CC2D2B: variants seen among roughly 807,000 people sequenced by gnomAD.
CC2D2B encodes the protein coiled-coil and C2 domain containing 2B.
A neutral mutation model predicts 161.2 loss-of-function variants in CC2D2B; 128 were observed. That is an observed-to-expected ratio of 0.79 (90% CI 0.69 to 0.92). The LOEUF is 0.92. Among genes scored for constraint, CC2D2B ranks in the 40% least tolerant of loss-of-function variants. The pLI, the probability that CC2D2B is intolerant of heterozygous loss-of-function variation, is 0.00. For synonymous variants in CC2D2B, 391 were observed against 449.8 expected, an observed-to-expected ratio of 0.87 and a Z score of 1.65; for missense variants, 1,173 against 1,375.1, an observed-to-expected ratio of 0.85 and a Z score of 2.32.
Position 96,032,103 on chromosome 10 carries a change from G to A in CC2D2B, c.*95G>A. On this transcript the variant is annotated 3_prime_UTR_variant, in exon 35 of 35. Coordinates refer to ENST00000646931, the MANE Select transcript of CC2D2B (RefSeq NM_001349008.3). ...TTGAGATTTTGCTGTTTATTCTCAA[G>A]TCCAGCTAAGTGCTGGGCCCAATTT... is the stretch of plus-strand genomic sequence containing the variant. The A allele has an allele frequency of 1.0e-6, 1 of 961,356 alleles. No individual in the cohort carries two copies. Among genetic ancestry groups the A allele is most frequent in the Non-Finnish European group, 1.5e-6 (1 of 652,292 alleles). The allele number at this position is 961,356 out of a possible 1,614,324, so 59.6% of individuals were successfully genotyped here. A position where few individuals can be genotyped will look rare whatever the true frequency, so the allele number is the denominator to read the frequency against.
intron 11 of CC2D2B, among the ~76,000 whole-genome samples, chr10:95,960,115 A>C (rs1469798573): frequency 6.6e-6 from 1 of 152,196 alleles, no homozygotes; most frequent in Non-Finnish European, 1.5e-5. Context: ...ACACTTAAGC[A>C]GTTTTCTTAA....
chr10:95,998,215 C>T (rs995906418), intron 24 of CC2D2B, among the ~76,000 whole-genome samples: 4 of 152,096 alleles, frequency 2.6e-5, no homozygotes, highest in African/African-American at 9.7e-5. Flanking sequence ...TCAGCATCAA[C>T]ATCTGCATTG....
At chr10:95,951,821 G>T (rs973196757) in intron 10 of CC2D2B, among the ~76,000 whole-genome samples, 1 of 151,470 alleles carries the variant, frequency 6.6e-6, no homozygotes, top group Admixed American at 6.6e-5. Context: ...AAACTTTTGG[G>T]GTTATTATTT....
At chr10:96,016,396 A>G in intron 30 of CC2D2B, 82 bp downstream of exon 30, 1 of 906,414 alleles carries the variant, frequency 1.1e-6, no homozygotes, top group Non-Finnish European at 1.8e-6. Context: ...CTTCAAACCC[A>G]GGTTTCCATC....
rs961231502 is a variant in CC2D2B at position 96,033,260 on chromosome 10, G to A, written c.*1252G>A. The stretch of plus-strand genomic sequence containing the variant: ...GTTTCCTAAATGTGCATGGGCTGGT[G>A]CCAGAAAAGGCCTCACTTATTTGTG... On this transcript the variant is annotated 3_prime_UTR_variant, in exon 35 of 35. Coordinates refer to ENST00000646931, the MANE Select transcript of CC2D2B (RefSeq NM_001349008.3). 3.3e-5 allele frequency among the ~76,000 whole-genome samples: 5 copies of A among 152,166 alleles called. No homozygotes were observed. The highest frequency in any genetic ancestry group is 6.5e-5 in the Admixed American group (1 of 15,268).
chr10:95,937,843 T>C, intron 6 of CC2D2B, 148 bp from the exon 7 acceptor site: 1 of 611,254 alleles, frequency 1.6e-6, no homozygotes, highest in Non-Finnish European at 2.9e-6. Flanking sequence ...TGAAATTTCA[T>C]TGTAACACAA....
At chr10:96,024,080 T>C (rs886928623) in intron 32 of CC2D2B, among the ~76,000 whole-genome samples, 2 of 152,200 alleles carry the variant, frequency 1.3e-5, no homozygotes, top group Non-Finnish European at 2.9e-5. Flanking sequence ...CTCTTGTCCA[T>C]GTGAGACCTG....
In CC2D2B at chr10:95,949,947, A is replaced by C. The variant is rs2076345793; in HGVS notation, c.853A>C (p.Arg285=). The change falls in exon 10 of 35, where the codon AGG becomes CGG. Residue 285 remains arginine (R), a synonymous_variant. Coordinates refer to ENST00000646931, the MANE Select transcript of CC2D2B (RefSeq NM_001349008.3). ...SSFMNKMEGS[R]EIYQLDLNIV... ...ATTTATGAACAAAATGGAAGGTTCA[A>C]GGGAAATATACCAGTTAGACCTCAA... 1 of 398,676 alleles carries C rather than the reference A, an allele frequency of 2.5e-6. No homozygotes were observed. Among genetic ancestry groups the C allele is most frequent in the African/African-American group, 2.1e-5 (1 of 48,630 alleles). 24.7% of individuals were successfully genotyped at this position (398,676 alleles called of 1,614,324 possible).
rs562661431 is a variant in CC2D2B, at chr10:96,005,118, A to G, written c.2946+870A>G. Among the ~76,000 whole-genome samples, 19 of 152,338 alleles carry G rather than the reference A, an allele frequency of 1.2e-4. No individual in the cohort carries two copies. The East Asian group carries it at 3.7e-3, about 29-fold the overall frequency. ...AATAATTTGGTGATAGCTTTTCTCCAAGGAGTTAAACTGAGTAGTGTTTTG... is the reference window on the plus strand; with the variant it reads ...AATAATTTGGTGATAGCTTTTCTCCGAGGAGTTAAACTGAGTAGTGTTTTG... On this transcript the variant is annotated intron_variant, in intron 25 of 34. Coordinates refer to ENST00000646931, the MANE Select transcript of CC2D2B (RefSeq NM_001349008.3).
chr10:95,975,362 A>G (rs1195856383), intron 17 of CC2D2B, among the ~76,000 whole-genome samples: 1 of 152,190 alleles, frequency 6.6e-6, no homozygotes, highest in Non-Finnish European at 1.5e-5. Context: ...AAGAGAAAAA[A>G]GCTAAATGGC....
intron 9 of CC2D2B, among the ~76,000 whole-genome samples, chr10:95,942,760 T>C (rs143024257): frequency 3.3e-4 from 51 of 152,254 alleles, no homozygotes; most frequent in African/African-American, 1.2e-3. Flanking sequence ...ACCTTTCTGG[T>C]GTGCTTTGAT....
At chr10:95,954,660 G>C (rs1368459876) in intron 10 of CC2D2B, among the ~76,000 whole-genome samples, 1 of 152,068 alleles carries the variant, frequency 6.6e-6, no homozygotes, top group East Asian at 1.9e-4. Flanking sequence ...TATTGTGATT[G>C]TGTTGTACTG....
At position 95,938,034 on chromosome 10, in the gene CC2D2B, T is replaced by C; in HGVS notation, c.380T>C (p.Val127Ala). The C allele has an allele frequency of 1.3e-6, 2 of 1,551,142 alleles. No individual in the cohort carries two copies. The highest frequency in any genetic ancestry group is 1.7e-6 in the Non-Finnish European group (2 of 1,146,570). ...TATCCCAAATGCTTTTCACTTGGTG[T>C]TAATTTACAAAATGTTGCTGAGAGT... ...RSYPKCFSLG[V>A]NLQNVAESEE... The change falls in exon 7 of 35, where the codon GTT becomes GCT. Residue 127 changes from valine (V) to alanine (A), a missense_variant. By Grantham distance (64) the Val-to-Ala change is moderately conservative. Coordinates refer to ENST00000646931, the MANE Select transcript of CC2D2B (RefSeq NM_001349008.3).
intron 4 of CC2D2B, 127 bp from the exon 5 acceptor site, chr10:95,924,652 A>G: frequency 1.5e-6 from 1 of 658,092 alleles, no homozygotes; most frequent in South Asian, 2.0e-5. Flanking sequence ...CTGATATTTC[A>G]TGTACACATA....
Position 95,967,773 on chromosome 10 carries a change from C to A in CC2D2B, c.1467-951C>A, listed in dbSNP as rs1448117898. Among the ~76,000 whole-genome samples the A allele has an allele frequency of 3.3e-5, 5 of 152,192 alleles. No homozygotes were observed. The East Asian group carries it at 7.7e-4, about 24-fold the overall frequency. On this transcript the variant is annotated intron_variant, in intron 14 of 34. Transcript: ENST00000646931. ...TGGGAATATGGTCGAAAGAGGCCAA[C>A]AGGGAGATAAGAATAGGTAATCTTT...
rs1297033490 is a variant in CC2D2B at position 96,012,172 on chromosome 10, T to C, written c.3046-13T>C. On this transcript the variant is annotated splice_polypyrimidine_tract_variant and intron_variant, in intron 26 of 34. Transcript: ENST00000646931. ...CATCATGCATAATCCATTATACTGA[T>C]ATACTCTTTCAGATTAGTGGAACAT... 6.0e-6 allele frequency: 4 copies of C among 669,658 alleles called. No individual in the cohort carries two copies. Among genetic ancestry groups the C allele is most frequent in the Middle Eastern group, 2.8e-4 (1 of 3,622 alleles). The allele number at this position is 669,658 out of a possible 1,614,324, so 41.5% of individuals were successfully genotyped here. A position where few individuals can be genotyped will look rare whatever the true frequency, so the allele number is the denominator to read the frequency against.
intron 12 of CC2D2B, among the ~76,000 whole-genome samples, chr10:95,964,812 A>G (rs2076885018): frequency 6.6e-6 from 1 of 152,164 alleles, no homozygotes; most frequent in Non-Finnish European, 1.5e-5. Flanking sequence ...CACATACCAT[A>G]TGGTTCACCC....
intron 24 of CC2D2B, among the ~76,000 whole-genome samples, chr10:95,998,417 A>G (rs1320759165): frequency 6.6e-6 from 1 of 152,056 alleles, no homozygotes; most frequent in Non-Finnish European, 1.5e-5. Context: ...TGCTCTGTCT[A>G]TTCATCCCTC....
At position 96,016,259 on chromosome 10, in the gene CC2D2B, T is replaced by A. The variant is rs764606305; in HGVS notation, c.3575T>A (p.Phe1192Tyr). The A allele has an allele frequency of 4.3e-6, 7 of 1,613,614 alleles. No individual in the cohort carries two copies. In the South Asian group the frequency reaches 6.6e-5, roughly 15 times the overall value. Reference protein sequence around the residue: ...KEEHAILLCNFFLYFGKKALV... With the variant: ...KEEHAILLCNYFLYFGKKALV... The stretch of plus-strand genomic sequence containing the variant: ...GAGCATGCCATCCTTCTCTGTAATT[T>A]CTTTCTGTATTTTGGAAAGAAGGCA... The change falls in exon 30 of 35, where the codon TTC (phenylalanine) becomes TAC (tyrosine). Residue 1192 changes from phenylalanine (F) to tyrosine (Y), a missense_variant. Transcript: ENST00000646931.
Sources: allele counts gnomAD v4.1 joint callset (sites outside exome capture counted in the v4.1 genomes callset), GRCh38; gene constraint gnomAD v4.1.1; transcripts MANE v1.5; gene names NCBI Gene and HGNC (gene_info 2026-07-23, HGNC 2026-07-21).